CASP2: variants seen among roughly 807,000 people sequenced by gnomAD.
The protein encoded by CASP2 is caspase-2.
In CASP2, 38 loss-of-function variants were observed where a neutral mutation model predicts 54.4. That is an observed-to-expected ratio of 0.70 (90% confidence interval 0.54 to 0.92). The LOEUF is 0.92. Among genes scored for constraint, CASP2 ranks in the 40% least tolerant of loss-of-function variants. CASP2 has a pLI of 0.00. For missense variants in CASP2, 512 were observed against 579.6 expected, an observed-to-expected ratio of 0.88 and a Z score of 1.20; for synonymous variants, 215 against 216.3, an observed-to-expected ratio of 0.99 and a Z score of 0.05.
chr7:143,305,341 G>T lies in CASP2; in HGVS notation c.*270G>T. 1 of 548,292 alleles carries T rather than the reference G, an allele frequency of 1.8e-6. No homozygotes were observed. Among genetic ancestry groups the T allele is most frequent in the Non-Finnish European group, 3.3e-6 (1 of 302,912 alleles). 34.0% of individuals were successfully genotyped at this position (548,292 alleles called of 1,614,324 possible). A position where few individuals can be genotyped will look rare whatever the true frequency, so the allele number is the denominator to read the frequency against. On this transcript the variant is annotated 3_prime_UTR_variant, in exon 11 of 11. Transcript: ENST00000310447. ...GCTGCAGTTGAAGAGCCTGACAAGT[G>T]AAGTTGTAAACACAGTGTGGTTATG... is the stretch of plus-strand genomic sequence containing the variant.
chr7:143,294,649 T>C lies in CASP2; in HGVS notation c.623T>C (p.Val208Ala). 1.2e-6 allele frequency: 2 copies of C among 1,614,228 alleles called. No individual in the cohort carries two copies. The highest frequency in any genetic ancestry group is 1.7e-6 in the Non-Finnish European group (2 of 1,180,024). ...PRGLALVLSN[V>A]HFTGEKELEF... The stretch of plus-strand genomic sequence containing the variant: ...GGCCTAGCACTGGTGTTGAGCAATG[T>C]GCACTTCACTGGAGAGAAAGAACTG... Residue 208 changes from valine (V) to alanine (A), a missense_variant, in exon 6 of 11, where the codon GTG becomes GCG. Val to Ala is a moderately conservative substitution (Grantham distance 64). This residue lies in a region of CASP2 where 417 missense variants were observed against 495.4 expected (regional missense o/e 0.84). Transcript: ENST00000310447.
chr7:143,301,283 C>A (rs1563065361), intron 8 of CASP2: 1 of 151,862 alleles, frequency 6.6e-6, no homozygotes, highest in African/African-American at 2.4e-5. Context: ...TTTAATCTCT[C>A]ATGTGGCCAA....
chr7:143,306,597 C>A lies in CASP2; in HGVS notation c.*1526C>A, dbSNP rs563786756. 1.9e-4 allele frequency: 28 copies of A among 148,368 alleles called. No individual in the cohort carries two copies. The highest frequency in any genetic ancestry group is 3.1e-4 in the Non-Finnish European group (21 of 67,050). The allele number at this position is 148,368 out of a possible 1,614,324, so 9.2% of individuals were successfully genotyped here. On this transcript the variant is annotated 3_prime_UTR_variant, in exon 11 of 11. Transcript: ENST00000310447. Reference sequence around the variant, plus strand: ...AAAAAAAAAAAAAAAAACTTCCATTCTTTCTTCCTCCAGTCTGTTCTCACA... The same window carrying A: ...AAAAAAAAAAAAAAAAACTTCCATTATTTCTTCCTCCAGTCTGTTCTCACA...
intron 1 of CASP2, chr7:143,289,612 C>G: frequency 4.1e-6 from 4 of 983,546 alleles, no homozygotes; most frequent in Non-Finnish European, 4.8e-6. Flanking sequence ...ATTTAAGGAG[C>G]GAATACTACT....
chr7:143,295,882 A>G (rs561225631), intron 6 of CASP2, among the ~76,000 whole-genome samples: 16 of 152,330 alleles, frequency 1.1e-4, no homozygotes, highest in Middle Eastern at 3.4e-3. Flanking sequence ...GTATTCAGGT[A>G]GTTTATATGC....
chr7:143,296,817 G>A (rs1801768109), intron 6 of CASP2, among the ~76,000 whole-genome samples: 1 of 151,898 alleles, frequency 6.6e-6, no homozygotes, highest in Non-Finnish European at 1.5e-5. Context: ...ACAGGAAATA[G>A]TATAATTAGT....
At position 143,300,018 on chromosome 7, in the gene CASP2, C is replaced by T. The variant is rs367713957; in HGVS notation, c.843C>T (p.Gly281=). 39 of 1,613,950 alleles carry T rather than the reference C, an allele frequency of 2.4e-5. No individual in the cohort carries two copies. Among genetic ancestry groups the T allele is most frequent in the South Asian group, 3.3e-5 (3 of 91,068 alleles). The stretch of plus-strand genomic sequence containing the variant: ...CACTCCTCTCGCATGGTGTGGAGGG[C>T]GCCATCTATGGTGTGGATGGGAAAC... ...IVALLSHGVE[G]AIYGVDGKLL... The change falls in exon 7 of 11, where the codon GGC becomes GGT. Residue 281 remains glycine (G), a synonymous_variant. Coordinates refer to ENST00000310447, the MANE Select transcript of CASP2 (RefSeq NM_032982.4).
intron 1 of CASP2, chr7:143,290,573 A>G (rs1001162035): frequency 6.6e-6 from 1 of 152,190 alleles, no homozygotes; most frequent in Non-Finnish European, 1.5e-5. Context: ...ATTTTAGTTT[A>G]TAAGCAGAAG....
In CASP2 at chr7:143,292,465, C is replaced by A. The variant is rs1387760223; in HGVS notation, c.391C>A (p.Pro131Thr). The A allele has an allele frequency of 6.2e-7, 1 of 1,613,908 alleles. No homozygotes were observed. The highest frequency in any genetic ancestry group is 8.5e-7 in the Non-Finnish European group (1 of 1,180,010). ...TLSGLQHVLP[P>T]LSCDYDLSLP... is the part of the protein sequence containing the mutation. ...TTCTGGGCTTCAGCATGTACTCCCACCGGTATGAAGCTTTAGTAATATGGG... is the reference window on the plus strand; with the variant it reads ...TTCTGGGCTTCAGCATGTACTCCCAACGGTATGAAGCTTTAGTAATATGGG... The change falls in exon 3 of 11, where the codon CCG becomes ACG. Residue 131 changes from proline (P) to threonine (T), a missense_variant and splice_region_variant. Transcript: ENST00000310447.
chr7:143,289,310 C>CT (rs1432009508), intron 1 of CASP2, among the ~76,000 whole-genome samples: 3 of 152,190 alleles, frequency 2.0e-5, no homozygotes, highest in Non-Finnish European at 2.9e-5. Context: ...GTTTAAGACT[C>CT]TCATACTACA....
intron 8 of CASP2, chr7:143,302,899 A>G (rs1801956649): frequency 6.6e-6 from 1 of 152,320 alleles, no homozygotes; most frequent in East Asian, 1.9e-4. Flanking sequence ...CTAAAATTGA[A>G]TAAGGATGAT....
intron 6 of CASP2, among the ~76,000 whole-genome samples, chr7:143,297,592 G>A (rs555164428): frequency 5.9e-5 from 9 of 152,182 alleles, no homozygotes; most frequent in South Asian, 4.1e-4. Context: ...GATTACAGGC[G>A]CATGCCACCA....
chr7:143,291,783 T>C, intron 2 of CASP2, 93 bp downstream of exon 2: 1 of 807,072 alleles, frequency 1.2e-6, no homozygotes, highest in Non-Finnish European at 1.8e-6. Flanking sequence ...TTTCTTCCTT[T>C]TTTTTTTTTT....
Position 143,305,502 on chromosome 7 carries a change from C to T in CASP2, c.*431C>T, listed in dbSNP as rs941531083. The T allele has an allele frequency of 2.9e-5, 9 of 305,838 alleles. No individual in the cohort carries two copies. The highest frequency in any genetic ancestry group is 8.7e-5 in the African/African-American group (4 of 46,190). 18.9% of individuals were successfully genotyped at this position (305,838 alleles called of 1,614,324 possible). A position where few individuals can be genotyped will look rare whatever the true frequency, so the allele number is the denominator to read the frequency against. Reference sequence around the variant, plus strand: ...TATCTTTTATTTCATTCATATCCTCCGCCCTTTTTGTCCTAGAGTGAGAGT... The same window carrying T: ...TATCTTTTATTTCATTCATATCCTCTGCCCTTTTTGTCCTAGAGTGAGAGT... On this transcript the variant is annotated 3_prime_UTR_variant, in exon 11 of 11. Coordinates refer to ENST00000310447, the MANE Select transcript of CASP2 (RefSeq NM_032982.4).
At chr7:143,303,295 T>C (rs1444317906) in intron 8 of CASP2, 1 of 154,006 alleles carries the variant, frequency 6.5e-6, no homozygotes, top group African/African-American at 2.4e-5. Flanking sequence ...TTCGAGGTTG[T>C]GATTTTTATA....
At chr7:143,301,089 C>G (rs1801903514) in intron 8 of CASP2, 1 of 209,980 alleles carries the variant, frequency 4.8e-6, no homozygotes, top group Non-Finnish European at 8.5e-6. Flanking sequence ...CTTGTACCTA[C>G]TTCATAAGGT....
intron 1 of CASP2, among the ~76,000 whole-genome samples, chr7:143,288,736 C>T (rs2116754142): frequency 6.6e-6 from 1 of 152,346 alleles, no homozygotes; most frequent in South Asian, 2.1e-4. Context: ...GGCCTTGTCT[C>T]TCGTGGGAAA....
In CASP2 at chr7:143,305,080, C is replaced by T. The variant is rs1445479818; in HGVS notation, c.*9C>T. On this transcript the variant is annotated 3_prime_UTR_variant, in exon 11 of 11. Transcript: ENST00000310447. Reference sequence around the variant, plus strand: ...GACACCCTCCCACATGATGTCACCTCCCCATCATCCACGCCAAGTGGAAGC... The same window carrying T: ...GACACCCTCCCACATGATGTCACCTTCCCATCATCCACGCCAAGTGGAAGC... The T allele has an allele frequency of 1.2e-6, 2 of 1,614,240 alleles. No homozygotes were observed. The highest frequency in any genetic ancestry group is 1.7e-6 in the Non-Finnish European group (2 of 1,180,028).
At position 143,305,323 on chromosome 7, in the gene CASP2, T is replaced by C. The variant is rs1329888140; in HGVS notation, c.*252T>C. The C allele has an allele frequency of 1.7e-6, 1 of 571,750 alleles. No homozygotes were observed. The highest frequency in any genetic ancestry group is 3.1e-5 in the East Asian group (1 of 32,450). 35.4% of individuals were successfully genotyped at this position (571,750 alleles called of 1,614,324 possible). On this transcript the variant is annotated 3_prime_UTR_variant, in exon 11 of 11. Transcript: ENST00000310447. ...ATTGCCAGGAATGTTTCAGCTGCAG[T>C]TGAAGAGCCTGACAAGTGAAGTTGT...
Sources: gnomAD v4.1 joint callset for allele counts (sites outside exome capture counted in the v4.1 genomes callset) on GRCh38, gnomAD v4.1.1 for gene constraint, gnomAD v4.1.1 regional missense constraint, MANE v1.5 for transcripts, NCBI Gene and HGNC (gene_info 2026-07-23, HGNC 2026-07-21) for gene names.